VPS13C: variants seen among roughly 807,000 people sequenced by gnomAD.
The protein encoded by VPS13C is vacuolar protein sorting 13 homolog C.
VPS13C carries 358 observed loss-of-function variants against 456.8 expected under a neutral mutation model. The ratio of observed to expected loss-of-function variants is 0.78; its 90% CI spans 0.72 to 0.86. The LOEUF is 0.86. Ranked by LOEUF, VPS13C falls within the 40% of genes least tolerant of loss-of-function variation. The pLI is 0.00. For synonymous variants in VPS13C, 1,578 were observed against 1,486.7 expected, an observed-to-expected ratio of 1.06 and a Z score of -1.41; for missense variants, 4,818 against 4,385.4, an observed-to-expected ratio of 1.10 and a Z score of -2.79.
chr15:61,999,438 G>C (rs1025394296), intron 16 of VPS13C, among the ~76,000 whole-genome samples: 2 of 151,890 alleles, frequency 1.3e-5, no homozygotes, highest in Admixed American at 1.3e-4. Context: ...TTTTAATTGT[G>C]TGGGGGCTTG....
intron 1 of VPS13C, among the ~76,000 whole-genome samples, chr15:62,057,457 G>A (rs945507767): frequency 6.6e-6 from 1 of 152,148 alleles, no homozygotes; most frequent in Admixed American, 6.5e-5. Flanking sequence ...ATTTTATTGA[G>A]AAATTAGGGT....
intron 66 of VPS13C, among the ~76,000 whole-genome samples, chr15:61,900,400 G>A (rs1022609041): frequency 2.8e-4 from 42 of 152,312 alleles, no homozygotes; most frequent in African/African-American, 1.0e-3. Flanking sequence ...AAGCTGATAA[G>A]CAACTTCAGC....
At position 61,963,081 on chromosome 15, in the gene VPS13C, T is replaced by C. The variant is rs923173360; in HGVS notation, c.3332-229A>G. ...CTTTTCAATCAGGGGAAGAAATACA[T>C]CTAGTACAAATAGATTATCTCAGGA... On this transcript the variant is annotated intron_variant, in intron 32 of 84. Coordinates refer to ENST00000644861, the MANE Select transcript of VPS13C (RefSeq NM_020821.3). Among the ~76,000 whole-genome samples the C allele has an allele frequency of 9.9e-5, 15 of 152,106 alleles. No individual in the cohort carries two copies. In the East Asian group the frequency reaches 2.5e-3, roughly 25 times the overall value.
intron 15 of VPS13C, among the ~76,000 whole-genome samples, chr15:62,006,686 T>C (rs1231385116): frequency 4.6e-5 from 7 of 152,192 alleles, no homozygotes; most frequent in African/African-American, 1.7e-4. Flanking sequence ...CCACACTGAC[T>C]TCCACAATGG....
Position 61,913,333 on chromosome 15 carries a change from G to A in VPS13C, c.8528C>T (p.Pro2843Leu). Reference sequence around the variant, plus strand: ...TACCAGGTACTCCATATTGTTGGCAGGACACTTCACACACCCATAACTTCC... The same window carrying A: ...TACCAGGTACTCCATATTGTTGGCAAGACACTTCACACACCCATAACTTCC... Reference protein sequence around the residue: ...TVGSYGCVKCPANNMEYLVGV... With the variant: ...TVGSYGCVKCLANNMEYLVGV... The change falls in exon 62 of 85, where the codon CCT becomes CTT. Residue 2843 changes from proline to leucine, a missense_variant. Pro to Leu is a moderately conservative substitution (Grantham distance 98). Around this residue, in one of 3 missense-constraint regions of VPS13C, gnomAD observed 4,552 missense variants for 4,130.6 expected, o/e 1.10. Coordinates refer to ENST00000644861, the MANE Select transcript of VPS13C (RefSeq NM_020821.3). 1 of 1,614,046 alleles carries A rather than the reference G, an allele frequency of 6.2e-7. No individual in the cohort carries two copies.
Position 61,964,710 on chromosome 15 carries a change from G to A in VPS13C, c.3203C>T (p.Thr1068Ile). 1.2e-6 allele frequency: 2 copies of A among 1,600,570 alleles called. No individual in the cohort carries two copies. Among genetic ancestry groups the A allele is most frequent in the Non-Finnish European group, 1.7e-6 (2 of 1,175,904 alleles). ...ISTEKQQKNS[T>I]LPKAIVSSRD... ...TGTATGTTTCATACCTTTTGGCAGA[G>A]TTGAATTTTTTTGTTGTTTTTCAGT... The change falls in exon 31 of 85, where the codon ACT (threonine) becomes ATT (isoleucine). Residue 1068 changes from threonine to isoleucine, a missense_variant. Transcript: ENST00000644861.
At chr15:61,915,377 A>ACAC (rs1566997303) in intron 61 of VPS13C, among the ~76,000 whole-genome samples, 1 of 151,844 alleles carries the variant, frequency 6.6e-6, no homozygotes, top group African/African-American at 2.4e-5. Flanking sequence ...TCTATCTACT[A>ACAC]TACTACTACT....
intron 67 of VPS13C, among the ~76,000 whole-genome samples, chr15:61,887,373 C>A (rs887602671): frequency 1.3e-5 from 2 of 152,178 alleles, no homozygotes; most frequent in African/African-American, 2.4e-5. Flanking sequence ...CTACCAAAGT[C>A]TTTCAACAAA....
chr15:61,980,616 C>A (rs543647622), intron 22 of VPS13C, among the ~76,000 whole-genome samples: 1 of 151,142 alleles, frequency 6.6e-6, no homozygotes, highest in Non-Finnish European at 1.5e-5. Flanking sequence ...CTTCTTCTAA[C>A]TTTTTTTGGT....
At chr15:62,027,136 C>A (rs758021847) in intron 6 of VPS13C, among the ~76,000 whole-genome samples, 9 of 151,982 alleles carry the variant, frequency 5.9e-5, no homozygotes, top group African/African-American at 2.2e-4. Context: ...ATGAAACACA[C>A]GTTAAGTCCT....
chr15:62,030,171 G>A (rs2047764722), intron 5 of VPS13C, among the ~76,000 whole-genome samples: 1 of 152,018 alleles, frequency 6.6e-6, no homozygotes, highest in South Asian at 2.1e-4. Context: ...TGTAGCATGT[G>A]AAAAAGAATT....
At chr15:61,931,756 AT>A (rs1555422995) in intron 49 of VPS13C, among the ~76,000 whole-genome samples, 3 of 150,338 alleles carry the variant, frequency 2.0e-5, no homozygotes, top group Non-Finnish European at 3.0e-5. Flanking sequence ...TTTTTTTTGT[AT>A]TTTTAGTAGA....
chr15:61,959,702 G>T, intron 35 of VPS13C, 107 bp from the exon 36 acceptor site: 2 of 1,075,172 alleles, frequency 1.9e-6, no homozygotes, highest in Non-Finnish European at 2.6e-6. Flanking sequence ...ATACTGATCT[G>T]AAACAGTGTG....
chr15:61,898,976 A>C (rs2042915451), intron 66 of VPS13C, among the ~76,000 whole-genome samples: 1 of 93,218 alleles, frequency 1.1e-5, no homozygotes, highest in Non-Finnish European at 2.2e-5. Flanking sequence ...ACTACATGGA[A>C]ACTGAACAAC....
chr15:62,012,860 A>T (rs1405543910), intron 11 of VPS13C, among the ~76,000 whole-genome samples, 179 bp downstream of exon 11: 1 of 151,966 alleles, frequency 6.6e-6, no homozygotes, highest in Non-Finnish European at 1.5e-5. Context: ...ATCTTCAAAA[A>T]CAAAACTGCT....
At chr15:62,021,959 C>T (rs1391523244) in intron 8 of VPS13C, among the ~76,000 whole-genome samples, 1 of 151,816 alleles carries the variant, frequency 6.6e-6, no homozygotes, top group Admixed American at 6.6e-5. Context: ...TTTCTTAATA[C>T]ATAATTTTGC....
At chr15:61,980,506 G>A (rs1247422624) in intron 22 of VPS13C, among the ~76,000 whole-genome samples, 1 of 152,082 alleles carries the variant, frequency 6.6e-6, no homozygotes, top group Non-Finnish European at 1.5e-5. Context: ...TCTTCACCAC[G>A]ACAATGCTTC....
In VPS13C at chr15:61,976,550, G is replaced by T. The variant is rs185195044; in HGVS notation, c.2408+532C>A. ...GGGGAACAAGGACACTTTTGGAGATGGTGTGTTCATTGTCTTAACCATGAT... is the reference window on the plus strand; with the variant it reads ...GGGGAACAAGGACACTTTTGGAGATTGTGTGTTCATTGTCTTAACCATGAT... On this transcript the variant is annotated intron_variant, in intron 24 of 84. Coordinates refer to ENST00000644861, the MANE Select transcript of VPS13C (RefSeq NM_020821.3). Among the ~76,000 whole-genome samples the T allele has an allele frequency of 3.4e-4, 51 of 151,932 alleles. No homozygotes were observed. The East Asian group carries it at 8.3e-3, about 25-fold the overall frequency.
chr15:61,962,832 G>C lies in VPS13C; in HGVS notation c.3352C>G (p.Leu1118Val). 6.2e-7 allele frequency: 1 copy of C among 1,603,844 alleles called. No individual in the cohort carries two copies. The highest frequency in any genetic ancestry group is 8.5e-7 in the Non-Finnish European group (1 of 1,173,494). The change falls in exon 33 of 85, where the codon CTC (leucine) becomes GTC (valine). Residue 1118 changes from leucine to valine, a missense_variant. By Grantham distance (32) the Leu-to-Val change is conservative. Coordinates refer to ENST00000644861, the MANE Select transcript of VPS13C (RefSeq NM_020821.3). ...AAAAGTGACTGCTTTCTTGACTGGA[G>C]AGAAAGGGAGGAATCCAGTCCTGAA... ...KIQGLDSSLS[L>V]QSRKQSLFAR... is the part of the protein sequence containing the mutation.
Sources: allele counts gnomAD v4.1 joint callset (sites outside exome capture counted in the v4.1 genomes callset), GRCh38; gene constraint gnomAD v4.1.1; regional missense constraint gnomAD v4.1.1; transcripts MANE v1.5; gene names NCBI Gene and HGNC (gene_info 2026-07-23, HGNC 2026-07-21).